MLXIP: variants seen among roughly 807,000 people sequenced by gnomAD.
MLXIP encodes MLX-interacting protein.
In MLXIP, 30 loss-of-function variants were observed where a neutral mutation model predicts 87.2. The observed-to-expected ratio is 0.34, with a 90% CI of 0.26 to 0.47. The LOEUF (loss-of-function observed/expected upper bound fraction) is 0.47, where lower values mean the gene tolerates loss of function less well. Among genes scored for constraint, MLXIP ranks in the 20% least tolerant of loss-of-function variants. The pLI is 1.00. For missense variants in MLXIP, 1,002 were observed against 1,240.1 expected (o/e 0.81, Z 2.88); for synonymous variants, 530 against 514.0 (o/e 1.03, Z -0.42).
chr12:122,105,745 A>G (rs1262013818), intron 1 of MLXIP, among the ~76,000 whole-genome samples: 1 of 151,672 alleles, frequency 6.6e-6, no homozygotes, highest in Non-Finnish European at 1.5e-5. Flanking sequence ...GTGCCACTGC[A>G]GTCCGGCCTG....
chr12:122,134,426 G>A (rs1315475085), intron 9 of MLXIP: 1 of 156,584 alleles, frequency 6.4e-6, no homozygotes, highest in Non-Finnish European at 1.3e-5. Context: ...GAGTGCAGTG[G>A]TGTGATCTCG....
At position 122,133,419 on chromosome 12, in the gene MLXIP, C is replaced by G; in HGVS notation, c.1164C>G (p.Ala388=). Residue 388 remains alanine, a synonymous_variant, in exon 9 of 17, where the codon GCC becomes GCG. Coordinates refer to ENST00000319080, the MANE Select transcript of MLXIP (RefSeq NM_014938.6). This position sits in a 1 kb window ranked among gnomAD's most constrained non-coding sequence, Gnocchi z 4.9. ...ACAGCCTCATCGCGCCCCCTACCGC[C>G]CCATCCCTGGCTCACATGGATGAGC... ...LPDSLIAPPT[A]PSLAHMDEQG... The G allele has an allele frequency of 6.2e-7, 1 of 1,611,998 alleles. No individual in the cohort carries two copies. The highest frequency in any genetic ancestry group is 8.5e-7 in the Non-Finnish European group (1 of 1,178,668).
At chr12:122,116,910 G>C (rs1385745883) in intron 1 of MLXIP, among the ~76,000 whole-genome samples, 2 of 152,200 alleles carry the variant, frequency 1.3e-5, no homozygotes, top group Non-Finnish European at 2.9e-5. Flanking sequence ...TCTAGACATG[G>C]TGGTGTCTGT....
intron 1 of MLXIP, among the ~76,000 whole-genome samples, chr12:122,114,441 G>T (rs1565972874): frequency 6.6e-6 from 1 of 152,196 alleles, no homozygotes; most frequent in Admixed American, 6.5e-5. Flanking sequence ...AATCAGCCAA[G>T]ACGCAAGTTT....
intron 6 of MLXIP, 68 bp downstream of exon 6, chr12:122,130,180 G>A: frequency 1.3e-6 from 2 of 1,502,062 alleles, no homozygotes; most frequent in Non-Finnish European, 9.0e-7. Context: ...CCCCCTCTGG[G>A]CCAGGGTTCC....
In MLXIP at chr12:122,141,832, C is replaced by T; in HGVS notation, c.*20C>T. The T allele has an allele frequency of 2.5e-6, 4 of 1,612,250 alleles. No individual in the cohort carries two copies. Among genetic ancestry groups the T allele is most frequent in the African/African-American group, 1.3e-5 (1 of 75,028 alleles). On this transcript the variant is annotated 3_prime_UTR_variant, in exon 17 of 17. Transcript: ENST00000319080. ...TCCTAGCTGCTTAGCTGGCATGTGG[C>T]CGCATGAGATGCCAGGAGACCCTTC... is the stretch of plus-strand genomic sequence containing the variant.
rs558049503 is a variant in MLXIP at position 122,132,987 on chromosome 12, C to T, written c.1093-361C>T. The T allele has an allele frequency of 9.6e-5, 21 of 217,792 alleles. No individual in the cohort carries two copies. The South Asian group carries it at 1.8e-3, about 19-fold the overall frequency. 13.5% of individuals were successfully genotyped at this position (217,792 alleles called of 1,614,324 possible). ...ACCAGTTGACACGTGAAATTGTCCT[C>T]GGGGATTCCCGAGCAGCTGCAATCC... On this transcript the variant is annotated intron_variant, in intron 8 of 16. Transcript: ENST00000319080.
chr12:122,110,068 C>A (rs1952580861), intron 1 of MLXIP, among the ~76,000 whole-genome samples: 1 of 152,114 alleles, frequency 6.6e-6, no homozygotes, highest in Non-Finnish European at 1.5e-5. Flanking sequence ...GGGAGGGATA[C>A]AATTCCAGAC....
chr12:122,133,374 C>G lies in MLXIP; in HGVS notation c.1119C>G (p.Leu373=). ...AQESILPTTA[L]PTVSLPDSLI... Reference sequence around the variant, plus strand: ...AGAGCATCCTGCCGACCACAGCCCTCCCCACTGTGAGCCTTCCTGACAGCC... The same window carrying G: ...AGAGCATCCTGCCGACCACAGCCCTGCCCACTGTGAGCCTTCCTGACAGCC... The change falls in exon 9 of 17, where the codon CTC becomes CTG. Residue 373 remains leucine (L), a synonymous_variant. Coordinates refer to ENST00000319080, the MANE Select transcript of MLXIP (RefSeq NM_014938.6). This position sits in a 1 kb window ranked among gnomAD's most constrained non-coding sequence, Gnocchi z 4.9. The G allele has an allele frequency of 1.3e-6, 2 of 1,586,472 alleles. No homozygotes were observed. Among genetic ancestry groups the G allele is most frequent in the South Asian group, 2.3e-5 (2 of 88,190 alleles).
At chr12:122,108,864 C>T (rs1186414488) in intron 1 of MLXIP, among the ~76,000 whole-genome samples, 1 of 152,118 alleles carries the variant, frequency 6.6e-6, no homozygotes, top group African/African-American at 2.4e-5. Flanking sequence ...GTCTATTCTT[C>T]CAGGAGGCCT....
At chr12:122,123,670 T>C (rs1281358235) in intron 1 of MLXIP, among the ~76,000 whole-genome samples, 1 of 152,194 alleles carries the variant, frequency 6.6e-6, no homozygotes, top group Non-Finnish European at 1.5e-5. Context: ...CTGTACCCCC[T>C]GCCTTCAGAC....
Position 122,079,004 on chromosome 12 carries a change from C to T in MLXIP, c.151C>T (p.Arg51Trp). The T allele has an allele frequency of 8.5e-7, 1 of 1,183,258 alleles. No homozygotes were observed. The allele number at this position is 1,183,258 out of a possible 1,614,324, so 73.3% of individuals were successfully genotyped here. A position where few individuals can be genotyped will look rare whatever the true frequency, so the allele number is the denominator to read the frequency against. The change falls in exon 1 of 17, where the codon CGG becomes TGG. Residue 51 changes from arginine (R) to tryptophan (W), a missense_variant. Coordinates refer to ENST00000319080, the MANE Select transcript of MLXIP (RefSeq NM_014938.6). ...PPASGAATPA[R>W]AHASAAPPPP... ...CGCCTCCGGCGCGGCCACCCCGGCC[C>T]GGGCCCACGCGAGCGCCGCGCCACC...
intron 1 of MLXIP, among the ~76,000 whole-genome samples, chr12:122,107,066 C>G (rs1952532370): frequency 6.6e-6 from 1 of 152,158 alleles, no homozygotes; most frequent in African/African-American, 2.4e-5. Flanking sequence ...TCCTTGTGTT[C>G]TCCTCTGTCT....
chr12:122,127,122 T>C, intron 1 of MLXIP, 134 bp from the exon 2 acceptor site: 1 of 739,908 alleles, frequency 1.4e-6, no homozygotes, highest in Non-Finnish European at 2.4e-6. Flanking sequence ...GTGACCTGAA[T>C]TCCATGAAGC....
At chr12:122,122,569 T>C (rs1952800487) in intron 1 of MLXIP, among the ~76,000 whole-genome samples, 1 of 151,332 alleles carries the variant, frequency 6.6e-6, no homozygotes, top group Non-Finnish European at 1.5e-5. Context: ...TGAGACAGAG[T>C]CTTGCTCTGT....
chr12:122,097,458 A>G (rs1361112704), intron 1 of MLXIP, among the ~76,000 whole-genome samples: 1 of 151,792 alleles, frequency 6.6e-6, no homozygotes, highest in Non-Finnish European at 1.5e-5. Flanking sequence ...CTATTTTTAC[A>G]AAAACTAAAA....
intron 1 of MLXIP, among the ~76,000 whole-genome samples, chr12:122,091,739 T>C (rs1361658712): frequency 6.6e-6 from 1 of 152,198 alleles, no homozygotes; most frequent in African/African-American, 2.4e-5. Context: ...TCAACTGCAG[T>C]TGACTTGGTC....
chr12:122,110,101 G>C (rs1952581318), intron 1 of MLXIP, among the ~76,000 whole-genome samples: 1 of 152,120 alleles, frequency 6.6e-6, no homozygotes, highest in East Asian at 1.9e-4. Flanking sequence ...AAATAATTGG[G>C]AACAATCTTT....
chr12:122,142,382 CA>C lies in MLXIP; in HGVS notation c.*571del, dbSNP rs1953225551. The stretch of plus-strand genomic sequence containing the variant: ...TTCAGGCTTATGCATGGCAGGCTGC[CA>C]GGGGGAAGTGCCTTCTTCAGAGGTC... On this transcript the variant is annotated 3_prime_UTR_variant, in exon 17 of 17. Coordinates refer to ENST00000319080, the MANE Select transcript of MLXIP (RefSeq NM_014938.6). 7 of 526,964 alleles carry C rather than the reference CA, an allele frequency of 1.3e-5. No individual in the cohort carries two copies. Among genetic ancestry groups the C allele is most frequent in the South Asian group, 7.8e-5 (5 of 63,794 alleles). 32.6% of individuals were successfully genotyped at this position (526,964 alleles called of 1,614,324 possible).
Sources: gnomAD v4.1 joint callset for allele counts (sites outside exome capture counted in the v4.1 genomes callset) on GRCh38, gnomAD v4.1.1 for gene constraint, Gnocchi (gnomAD v3.1) non-coding constraint, MANE v1.5 for transcripts, NCBI Gene and HGNC (gene_info 2026-07-23, HGNC 2026-07-21) for gene names.